ASGR1: variants seen among roughly 807,000 people sequenced by gnomAD.
The protein encoded by ASGR1 is asialoglycoprotein receptor 1.
ASGR1 carries 35 observed loss-of-function variants against 33.1 expected under a neutral mutation model. That is an observed-to-expected ratio of 1.06 (90% CI 0.81 to 1.40). The LOEUF (loss-of-function observed/expected upper bound fraction) is 1.40. ASGR1 is among the 40% of genes most tolerant of loss of function. The pLI, the probability that ASGR1 is intolerant of heterozygous loss-of-function variation, is 0.00. For missense variants in ASGR1, 396 were observed against 373.7 expected, an observed-to-expected ratio of 1.06 and a Z score of -0.49; for synonymous variants, 142 against 152.5, an observed-to-expected ratio of 0.93 and a Z score of 0.51.
At position 7,176,914 on chromosome 17, in the gene ASGR1, C is replaced by T; in HGVS notation, c.284-13G>A. ...CCCACATTGCCTCCTGCGGGAGAGG[C>T]TCGCTCAGCGTTCCCGACAGCCCCC... On this transcript the variant is annotated splice_polypyrimidine_tract_variant and intron_variant, in intron 4 of 8. Coordinates refer to ENST00000269299, the MANE Select transcript of ASGR1 (RefSeq NM_001671.5). The T allele has an allele frequency of 6.2e-7, 1 of 1,612,072 alleles. No individual in the cohort carries two copies.
At chr17:7,176,151 TCA>T (rs758456436) in intron 5 of ASGR1, among the ~76,000 whole-genome samples, 246 of 139,430 alleles carry the variant, frequency 1.8e-3, no homozygotes, top group South Asian at 3.4e-3. Flanking sequence ...CATCTCATTC[TCA>T]CACACAGACA....
At chr17:7,176,772 C>G (rs1303102723) in intron 5 of ASGR1, 58 bp downstream of exon 5, 3 of 1,579,986 alleles carry the variant, frequency 1.9e-6, no homozygotes, top group Non-Finnish European at 2.6e-6. Flanking sequence ...TCACACACAT[C>G]CACACATTCT....
At position 7,174,266 on chromosome 17, in the gene ASGR1, C is replaced by A. The variant is rs369316332; in HGVS notation, c.466G>T (p.Val156Phe). The A allele has an allele frequency of 6.7e-5, 108 of 1,613,950 alleles. No homozygotes were observed. Among genetic ancestry groups the A allele is most frequent in the Non-Finnish European group, 8.8e-5 (104 of 1,179,966 alleles). ...GNGSERTCCP[V>F]NWVEHERSCY... is the part of the protein sequence containing the mutation. ...CTGCGCTCGTGCTCCACCCAGTTGA[C>A]CGGGCAGCAGGTCCTTTCTGAGCCT... is the stretch of plus-strand genomic sequence containing the variant. The change falls in exon 7 of 9, where the codon GTC becomes TTC. Residue 156 changes from valine to phenylalanine, a missense_variant. By Grantham distance (50) the Val-to-Phe change is conservative. Transcript: ENST00000269299.
chr17:7,178,677 T>G, intron 1 of ASGR1, 89 bp from the exon 2 acceptor site: 1 of 745,278 alleles, frequency 1.3e-6, no homozygotes, highest in South Asian at 2.0e-5. Flanking sequence ...CCCATCTGAT[T>G]GACGGCTCCA....
At chr17:7,175,608 ACACG>A (rs2069189131) in intron 5 of ASGR1, among the ~76,000 whole-genome samples, 1 of 151,552 alleles carries the variant, frequency 6.6e-6, no homozygotes, top group African/African-American at 2.4e-5. Flanking sequence ...ACATTCTCAC[ACACG>A]CAACACACTA....
rs1185191275 is a variant in ASGR1 at position 7,173,431 on chromosome 17, T to G, written c.*228A>C. ...CAATAACCAGACAACTAACAGAAGG[T>G]TTAGGTATATTTCTTTTTACTCTTA... On this transcript the variant is annotated 3_prime_UTR_variant, in exon 9 of 9. Transcript: ENST00000269299. This position sits in a 1 kb window ranked among gnomAD's most constrained non-coding sequence, Gnocchi z 4.7. The G allele has an allele frequency of 2.5e-5, 14 of 565,196 alleles. No individual in the cohort carries two copies. Among genetic ancestry groups the G allele is most frequent in the Non-Finnish European group, 4.0e-5 (13 of 328,394 alleles). 35.0% of individuals were successfully genotyped at this position (565,196 alleles called of 1,614,324 possible).
intron 5 of ASGR1, 87 bp from the exon 6 acceptor site, chr17:7,174,547 T>G: frequency 1.4e-6 from 2 of 1,396,040 alleles, no homozygotes; most frequent in Non-Finnish European, 2.0e-6. Context: ...TACATCCTCC[T>G]GCTGGGACCC....
chr17:7,175,411 A>G (rs1041521855), intron 5 of ASGR1, among the ~76,000 whole-genome samples: 2 of 148,494 alleles, frequency 1.3e-5, no homozygotes, highest in Admixed American at 6.7e-5. Context: ...TCACACAGGC[A>G]CACACACCCT....
chr17:7,175,747 AC>A (rs1312768174), intron 5 of ASGR1, among the ~76,000 whole-genome samples: 1 of 148,112 alleles, frequency 6.8e-6, no homozygotes, highest in African/African-American at 2.5e-5. Context: ...ACTCACAAAC[AC>A]CCATCCACAC....
At chr17:7,175,287 TAC>T (rs1051051915) in intron 5 of ASGR1, among the ~76,000 whole-genome samples, 6 of 124,198 alleles carry the variant, frequency 4.8e-5, no homozygotes, top group Non-Finnish European at 8.3e-5. Context: ...CACCCTAATC[TAC>T]AGTCACTACA....
chr17:7,176,264 C>G lies in ASGR1; in HGVS notation c.355+566G>C, dbSNP rs574242580. On this transcript the variant is annotated intron_variant, in intron 5 of 8. Transcript: ENST00000269299. ...ACACACACACCCCATCTCATTCTCA[C>G]ACTCACTCACACACCCCATCTCATT... Among the ~76,000 whole-genome samples, 2 of 143,310 alleles carry G rather than the reference C, an allele frequency of 1.4e-5. 1 individual carries two copies. Among genetic ancestry groups the G allele is most frequent in the East Asian group, 4.1e-4 (2 of 4,898 alleles). The allele number at this position is 143,310 out of a possible 152,430, so 94.0% of individuals were successfully genotyped here.
rs578227743 is a variant in ASGR1 at position 7,176,553 on chromosome 17, A to ACTCACT, written c.355+276_355+277insAGTGAG. The ACTCACT allele has an allele frequency of 2.2e-3, 1,142 of 519,208 alleles. 11 individuals carry two copies. In the African/African-American group the frequency reaches 0.022, roughly 10 times the overall value. 32.2% of individuals were successfully genotyped at this position (519,208 alleles called of 1,614,324 possible). On this transcript the variant is annotated intron_variant, in intron 5 of 8. Transcript: ENST00000269299. ...CACACACACACCATCTCATTCTCACACACACACACCTCATTCTCACACACA... is the reference window on the plus strand; with the variant it reads ...CACACACACACCATCTCATTCTCACACTCACTCACACACACCTCATTCTCACACACA...
intron 2 of ASGR1, 44 bp downstream of exon 2, chr17:7,178,450 C>G (rs761550199): frequency 1.3e-6 from 2 of 1,589,680 alleles, no homozygotes; most frequent in South Asian, 1.1e-5. Flanking sequence ...GGTGGAGAAC[C>G]GCCAAATTCT....
chr17:7,175,884 CAG>C (rs1365296601), intron 5 of ASGR1, among the ~76,000 whole-genome samples: 4 of 144,264 alleles, frequency 2.8e-5, no homozygotes, highest in Non-Finnish European at 4.5e-5. Flanking sequence ...CACAGTCTCA[CAG>C]ACACTCCATC....
At chr17:7,175,985 C>T (rs1026659401) in intron 5 of ASGR1, among the ~76,000 whole-genome samples, 1 of 150,244 alleles carries the variant, frequency 6.7e-6, no homozygotes, top group African/African-American at 2.5e-5. Flanking sequence ...CACACACATA[C>T]ACTGACACAT....
chr17:7,177,232 A>T lies in ASGR1; in HGVS notation c.165T>A (p.Val55=). The change falls in exon 3 of 9, where the codon GTT becomes GTA. Residue 55 remains valine (V), a synonymous_variant. Coordinates refer to ENST00000269299, the MANE Select transcript of ASGR1 (RefSeq NM_001671.5). The part of the protein sequence containing the change: ...SLGLSLLLLV[V]VCVIGSQNSQ... Reference sequence around the variant, plus strand: ...CACTTTGGGATCCGATCACACAGACAACCACAAGCAGCAGGAGGCTGAGGC... The same window carrying T: ...CACTTTGGGATCCGATCACACAGACTACCACAAGCAGCAGGAGGCTGAGGC... 1 of 1,613,288 alleles carries T rather than the reference A, an allele frequency of 6.2e-7. No homozygotes were observed.
chr17:7,176,876 C>G lies in ASGR1; in HGVS notation c.309G>C (p.Lys103Asn), dbSNP rs200529217. The G allele has an allele frequency of 1.2e-6, 2 of 1,613,246 alleles. No homozygotes were observed. Among genetic ancestry groups the G allele is most frequent in the East Asian group, 2.2e-5 (1 of 44,860 alleles). Residue 103 changes from lysine (K) to asparagine (N), a missense_variant, in exon 5 of 9, where the codon AAG (lysine) becomes AAC (asparagine). Coordinates refer to ENST00000269299, the MANE Select transcript of ASGR1 (RefSeq NM_001671.5). The stretch of plus-strand genomic sequence containing the variant: ...GTTTCTCCAGCTGGGACTCTAGCGA[C>G]TTCATCTTTCTTCCCACATTGCCTC... ...TQGGNVGRKM[K>N]SLESQLEKQQ...
chr17:7,174,133 C>A lies in ASGR1; in HGVS notation c.594+5G>T, dbSNP rs532376531. On this transcript the variant is annotated splice_donor_5th_base_variant and intron_variant, in intron 7 of 8. Transcript: ENST00000269299. The stretch of plus-strand genomic sequence containing the variant: ...GCCAGCCTCCCAGACCCTCCGGGTC[C>A]TCACCTGCTCCTCCCAGGACGTGAC... The A allele has an allele frequency of 3.7e-6, 6 of 1,614,040 alleles. No individual in the cohort carries two copies. The African/African-American group carries it at 4.0e-5, about 11-fold the overall frequency.
At chr17:7,177,509 G>A in intron 2 of ASGR1, 183 bp from the exon 3 acceptor site, 1 of 585,442 alleles carries the variant, frequency 1.7e-6, no homozygotes, top group Non-Finnish European at 3.0e-6. Flanking sequence ...GGAGAAAAGA[G>A]GGCTGGGGAA....
Sources: allele counts gnomAD v4.1 joint callset (sites outside exome capture counted in the v4.1 genomes callset), GRCh38; gene constraint gnomAD v4.1.1; non-coding constraint Gnocchi (gnomAD v3.1); transcripts MANE v1.5; gene names NCBI Gene and HGNC (gene_info 2026-07-23, HGNC 2026-07-21).